Variants in UGT1A4 observed in about 807,000 individuals in gnomAD.
UGT1A4 encodes the protein UDP-glucuronosyltransferase 1A4.
Under a neutral mutation model 41.1 loss-of-function variants are expected in UGT1A4, and 32 were observed. That is an observed-to-expected ratio of 0.78 (90% CI 0.59 to 1.05). UGT1A4 has a LOEUF of 1.05. UGT1A4 is among the 50% of genes least tolerant of loss of function. The pLI, the probability that UGT1A4 is intolerant of heterozygous loss-of-function variation, is 0.00. For missense variants in UGT1A4, 748 were observed against 677.4 expected (o/e 1.10, Z -1.16); for synonymous variants, 283 against 265.1 (o/e 1.07, Z -0.66).
At chr2:233,765,711 T>TTAATAATAATAA (rs10664358) in intron 1 of UGT1A4, among the ~76,000 whole-genome samples, 10 of 149,240 alleles carry the variant, frequency 6.7e-5, no homozygotes, top group East Asian at 2.0e-4. Flanking sequence ...ATAATAATAA[T>TTAATAATAATAA]TAATAATAAT....
chr2:233,741,506 T>G (rs1461228170), intron 1 of UGT1A4: 1 of 151,928 alleles, frequency 6.6e-6, no homozygotes, highest in Non-Finnish European at 1.5e-5. Flanking sequence ...TGAACTCATT[T>G]TTCAAAAGCC....
At chr2:233,757,306 AGGGG>A in intron 1 of UGT1A4, among the ~76,000 whole-genome samples, 1 of 7,688 alleles carries the variant, frequency 1.3e-4, no homozygotes. Flanking sequence ...GTTGGGGGAC[AGGGG>A]GGCTGGGGCC....
intron 1 of UGT1A4, among the ~76,000 whole-genome samples, chr2:233,734,301 T>TATATACGTATAAATACG (rs2078508917): frequency 6.6e-6 from 1 of 152,170 alleles, no homozygotes; most frequent in Non-Finnish European, 1.5e-5. Context: ...GATTTTCTAG[T>TATATACGTATAAATACG]TTATTTGTGT....
At chr2:233,767,273 T>C (rs772040465) in intron 2 of UGT1A4, 108 bp downstream of exon 2, 1 of 1,581,726 alleles carries the variant, frequency 6.3e-7, no homozygotes, top group Non-Finnish European at 8.5e-7. Context: ...GATTTGGCTT[T>C]TCCCTGCCAC....
At chr2:233,744,762 A>G (rs1310047679) in intron 1 of UGT1A4, among the ~76,000 whole-genome samples, 12 of 151,872 alleles carry the variant, frequency 7.9e-5, no homozygotes, top group Non-Finnish European at 4.4e-5. Flanking sequence ...AAATAGTTTT[A>G]ACTTTGCAAA....
chr2:233,726,367 A>C (rs994250212), intron 1 of UGT1A4, among the ~76,000 whole-genome samples: 1 of 152,216 alleles, frequency 6.6e-6, no homozygotes, highest in Non-Finnish European at 1.5e-5. Flanking sequence ...AAACACAACA[A>C]AAACCAAAAT....
Position 233,725,059 on chromosome 2 carries a change from C to G in UGT1A4, c.867+5372C>G, listed in dbSNP as rs1273678780. Among the ~76,000 whole-genome samples the G allele has an allele frequency of 1.3e-3, 185 of 147,066 alleles. 18 individuals carry two copies. In the East Asian group the frequency reaches 0.027, roughly 21 times the overall value. ...AAAACCAGTCAGGCGTGGCGGCGCG[C>G]GCCTGCAATCGCAGGCACTCGGCAG... On this transcript the variant is annotated intron_variant, in intron 1 of 4. Coordinates refer to ENST00000373409, the MANE Select transcript of UGT1A4 (RefSeq NM_007120.3).
intron 1 of UGT1A4, among the ~76,000 whole-genome samples, chr2:233,734,500 T>C (rs1353975752): frequency 6.6e-6 from 1 of 152,210 alleles, no homozygotes; most frequent in Non-Finnish European, 1.5e-5. Context: ...GGTTTTTTTG[T>C]GTCTCTATCT....
chr2:233,768,183 A>T (rs753962326), intron 3 of UGT1A4, 37 bp from the exon 4 acceptor site: 2 of 1,614,004 alleles, frequency 1.2e-6, no homozygotes, highest in Admixed American at 3.3e-5. Context: ...AAACTCAGAG[A>T]TGTAACTGCT....
In UGT1A4 at chr2:233,748,004, T is replaced by C. The variant is rs554173710; in HGVS notation, c.868-19030T>C. On this transcript the variant is annotated intron_variant, in intron 1 of 4. Coordinates refer to ENST00000373409, the MANE Select transcript of UGT1A4 (RefSeq NM_007120.3). ...TGTTCCGAGGGGACTTTGTGATGGATTACCCCAGGCCGATCATGCCCAACA... is the reference window on the plus strand; with the variant it reads ...TGTTCCGAGGGGACTTTGTGATGGACTACCCCAGGCCGATCATGCCCAACA... 1,894 of 1,613,440 alleles carry C rather than the reference T, an allele frequency of 1.2e-3. 7 individuals are homozygous for C. Among genetic ancestry groups the C allele is most frequent in the Non-Finnish European group, 1.4e-3 (1,636 of 1,179,848 alleles).
intron 1 of UGT1A4, chr2:233,739,100 G>A (rs1263190228): frequency 1.3e-5 from 2 of 152,274 alleles, no homozygotes; most frequent in African/African-American, 4.8e-5. Flanking sequence ...TCGATGTGGT[G>A]TTGGGCCTGC....
At chr2:233,750,164 A>C (rs1331972474) in intron 1 of UGT1A4, among the ~76,000 whole-genome samples, 1 of 151,848 alleles carries the variant, frequency 6.6e-6, no homozygotes, top group Non-Finnish European at 1.5e-5. Context: ...AATGGTTTTG[A>C]CCAAAATGCT....
chr2:233,754,909 T>C (rs754885290), intron 1 of UGT1A4: 1 of 1,353,004 alleles, frequency 7.4e-7, no homozygotes, highest in Non-Finnish European at 9.9e-7. Flanking sequence ...CCCAAAATAT[T>C]CTCCAGCGGG....
chr2:233,736,773 T>A (rs572779533), intron 1 of UGT1A4, among the ~76,000 whole-genome samples: 1 of 152,322 alleles, frequency 6.6e-6, no homozygotes, highest in African/African-American at 2.4e-5. Flanking sequence ...AACAGTCAGA[T>A]CCCTCAGCTG....
chr2:233,750,940 C>A (rs1694595221), intron 1 of UGT1A4, among the ~76,000 whole-genome samples: 1 of 151,854 alleles, frequency 6.6e-6, no homozygotes, highest in Non-Finnish European at 1.5e-5. Flanking sequence ...TTGGAGCCCC[C>A]ACACAGAGTC....
At position 233,729,652 on chromosome 2, in the gene UGT1A4, A is replaced by G. The variant is rs573544269; in HGVS notation, c.867+9965A>G. On this transcript the variant is annotated intron_variant, in intron 1 of 4. Transcript: ENST00000373409. ...TCCTACTGTGTTTTTTTTGAGGAAC[A>G]TTCCATGTGATTTAGACTTTAAGGG... 5 of 1,613,890 alleles carry G rather than the reference A, an allele frequency of 3.1e-6. No individual in the cohort carries two copies. The African/African-American group carries it at 6.7e-5, about 22-fold the overall frequency.
chr2:233,742,149 G>A (rs1392863105), intron 1 of UGT1A4, among the ~76,000 whole-genome samples: 1 of 151,848 alleles, frequency 6.6e-6, no homozygotes, highest in Non-Finnish European at 1.5e-5. Context: ...AGCGCTAGAC[G>A]AATTAAAGAC....
In UGT1A4 at chr2:233,729,717, A is replaced by G. The variant is rs147416875; in HGVS notation, c.867+10030A>G. Reference sequence around the variant, plus strand: ...ACCCTTCCTCCTATATTCCTAGATTACTAACAACCAATTCAGACCACATGA... The same window carrying G: ...ACCCTTCCTCCTATATTCCTAGATTGCTAACAACCAATTCAGACCACATGA... On this transcript the variant is annotated intron_variant, in intron 1 of 4. Transcript: ENST00000373409. 5.1e-5 allele frequency: 83 copies of G among 1,613,846 alleles called. 1 individual carries two copies. The highest frequency in any genetic ancestry group is 5.2e-5 in the Non-Finnish European group (61 of 1,179,886).
chr2:233,754,525 G>T (rs1133497), intron 1 of UGT1A4: 18 of 367,412 alleles, frequency 4.9e-5, no homozygotes, highest in East Asian at 2.2e-4. Flanking sequence ...GTGCTTAAAG[G>T]CAAATGTGGA....
Sources: gnomAD v4.1 joint callset for allele counts (sites outside exome capture counted in the v4.1 genomes callset) on GRCh38, gnomAD v4.1.1 for gene constraint, MANE v1.5 for transcripts, NCBI Gene and HGNC (gene_info 2026-07-23, HGNC 2026-07-21) for gene names.